Variants in DCAF17 observed in about 807,000 individuals in gnomAD.
The protein encoded by DCAF17 is DDB1 and CUL4 associated factor 17.
In DCAF17, 48 loss-of-function variants were observed where a neutral mutation model predicts 66.0. The observed-to-expected ratio is 0.73, with a 90% CI of 0.58 to 0.92. The LOEUF is 0.92. Ranked by LOEUF, DCAF17 falls within the 40% of genes least tolerant of loss-of-function variation. DCAF17 has a pLI of 0.00. For synonymous variants in DCAF17, 206 were observed against 214.6 expected (o/e 0.96, Z 0.35); for missense variants, 562 against 622.8 (o/e 0.90, Z 1.04).
rs147950025 is a variant in DCAF17 at position 171,484,699 on chromosome 2, C to T, written c.*3585C>T. On this transcript the variant is annotated 3_prime_UTR_variant, in exon 14 of 14. Transcript: ENST00000375255. ...CCCAAACCCTTTCCAAAATTTAGAC[C>T]ATTGCAATCATCTTCAGAAAGTTTC... is the stretch of plus-strand genomic sequence containing the variant. The T allele has an allele frequency of 1.1e-4, 48 of 453,980 alleles. No homozygotes were observed. The highest frequency in any genetic ancestry group is 1.8e-4 in the Non-Finnish European group (41 of 226,758). The allele number at this position is 453,980 out of a possible 1,614,324, so 28.1% of individuals were successfully genotyped here. A position where few individuals can be genotyped will look rare whatever the true frequency, so the allele number is the denominator to read the frequency against.
rs577520268 is a variant in DCAF17, at chr2:171,484,819, A to G, written c.*3705A>G. On this transcript the variant is annotated 3_prime_UTR_variant, in exon 14 of 14. Coordinates refer to ENST00000375255, the MANE Select transcript of DCAF17 (RefSeq NM_025000.4). ...CAAAGGTTAAATTTACCTGTTCTAAACTTCATATGAGTGAAATTATACAAA... is the reference window on the plus strand; with the variant it reads ...CAAAGGTTAAATTTACCTGTTCTAAGCTTCATATGAGTGAAATTATACAAA... 640 of 453,998 alleles carry G rather than the reference A, an allele frequency of 1.4e-3. 7 individuals are homozygous for G. The highest frequency in any genetic ancestry group is 9.5e-3 in the South Asian group (611 of 64,466). 28.1% of individuals were successfully genotyped at this position (453,998 alleles called of 1,614,324 possible).
chr2:171,439,682 C>T (rs1050205893), intron 2 of DCAF17, among the ~76,000 whole-genome samples: 1 of 152,016 alleles, frequency 6.6e-6, no homozygotes, highest in Non-Finnish European at 1.5e-5. Context: ...TAATCTCACA[C>T]TTTGGGAGGA....
At chr2:171,456,939 A>G (rs2105770478) in intron 6 of DCAF17, among the ~76,000 whole-genome samples, 1 of 152,310 alleles carries the variant, frequency 6.6e-6, no homozygotes, top group South Asian at 2.1e-4. Flanking sequence ...GGATAGTTTG[A>G]CTTCCTTTCT....
At chr2:171,448,525 T>C (rs1214857769) in intron 3 of DCAF17, among the ~76,000 whole-genome samples, 156 bp from the exon 4 acceptor site, 1 of 152,260 alleles carries the variant, frequency 6.6e-6, no homozygotes, top group Non-Finnish European at 1.5e-5. Context: ...CAATCTTATC[T>C]TTCCTTGTCT....
At chr2:171,466,995 G>T (rs543124117) in intron 8 of DCAF17, among the ~76,000 whole-genome samples, 1 of 151,600 alleles carries the variant, frequency 6.6e-6, no homozygotes, top group South Asian at 2.1e-4. Context: ...TTGCTTAAAA[G>T]ACCTTTATAT....
At chr2:171,464,432 G>A (rs533535391) in intron 8 of DCAF17, among the ~76,000 whole-genome samples, 1 of 152,096 alleles carries the variant, frequency 6.6e-6, no homozygotes, top group Admixed American at 6.5e-5. Context: ...TCCAAATTCT[G>A]CCTCTCACTT....
chr2:171,455,387 T>C (rs1306950889), intron 6 of DCAF17, among the ~76,000 whole-genome samples: 2 of 152,358 alleles, frequency 1.3e-5, no homozygotes, highest in Non-Finnish European at 2.9e-5. Flanking sequence ...GTACAACATT[T>C]TCGTTACCCA....
intron 9 of DCAF17, among the ~76,000 whole-genome samples, chr2:171,470,108 C>T (rs1696156391): frequency 6.6e-6 from 1 of 152,202 alleles, no homozygotes; most frequent in Non-Finnish European, 1.5e-5. Context: ...ACTGCAGCCT[C>T]AACCTCCTGG....
At chr2:171,443,202 G>A (rs1694409277) in intron 2 of DCAF17, 1 of 190,040 alleles carries the variant, frequency 5.3e-6, no homozygotes, top group Admixed American at 5.7e-5. Context: ...TAAATGTTCA[G>A]AGGTAAAGAA....
intron 8 of DCAF17, among the ~76,000 whole-genome samples, chr2:171,459,195 C>G (rs1435117427): frequency 6.6e-6 from 1 of 152,138 alleles, no homozygotes; most frequent in African/African-American, 2.4e-5. Context: ...GTAATCCCAC[C>G]TACTCGCAAG....
At chr2:171,473,571 C>T (rs1263000346) in intron 9 of DCAF17, among the ~76,000 whole-genome samples, 1 of 150,442 alleles carries the variant, frequency 6.6e-6, no homozygotes, top group African/African-American at 2.4e-5. Context: ...AAGCATCAAA[C>T]GCAGTTCCTG....
At position 171,483,304 on chromosome 2, in the gene DCAF17, G is replaced by C. The variant is rs1696820267; in HGVS notation, c.*2190G>C. The C allele has an allele frequency of 2.2e-6, 1 of 453,936 alleles. No individual in the cohort carries two copies. The highest frequency in any genetic ancestry group is 4.4e-6 in the Non-Finnish European group (1 of 226,784). The allele number at this position is 453,936 out of a possible 1,614,324, so 28.1% of individuals were successfully genotyped here. On this transcript the variant is annotated 3_prime_UTR_variant, in exon 14 of 14. Coordinates refer to ENST00000375255, the MANE Select transcript of DCAF17 (RefSeq NM_025000.4). ...TAGCTACATGCCCACCTACTTAACA[G>C]GTACTAGTGACAGGTACAAAACATT...
In DCAF17 at chr2:171,484,176, T is replaced by C. The variant is rs1212193760; in HGVS notation, c.*3062T>C. The C allele has an allele frequency of 6.7e-6, 3 of 446,526 alleles. No individual in the cohort carries two copies. Among genetic ancestry groups the C allele is most frequent in the East Asian group, 1.4e-4 (2 of 14,384 alleles). The allele number at this position is 446,526 out of a possible 1,614,324, so 27.7% of individuals were successfully genotyped here. ...TTTTCATATTATTTGGCTTCCATAT[T>C]AATCATTTTTATATTTTCTTCTCCT... On this transcript the variant is annotated 3_prime_UTR_variant, in exon 14 of 14. Coordinates refer to ENST00000375255, the MANE Select transcript of DCAF17 (RefSeq NM_025000.4).
intron 8 of DCAF17, among the ~76,000 whole-genome samples, chr2:171,462,751 A>G (rs1695658554): frequency 1.3e-5 from 2 of 152,222 alleles, no homozygotes; most frequent in African/African-American, 4.8e-5. Flanking sequence ...TGATAAATGT[A>G]CAATTAAAAC....
intron 8 of DCAF17, among the ~76,000 whole-genome samples, chr2:171,468,644 C>G (rs1696060893): frequency 6.6e-6 from 1 of 152,134 alleles, no homozygotes; most frequent in Admixed American, 6.5e-5. Context: ...ACCTGCGGGC[C>G]ACATATACCT....
rs1693678133 is a variant in DCAF17 at position 171,434,610 on chromosome 2, CCGG to C, written c.35_37del (p.Arg12del). On this transcript the variant is annotated inframe_deletion, in exon 1 of 14. Coordinates refer to ENST00000375255, the MANE Select transcript of DCAF17 (RefSeq NM_025000.4). ...CGACCCGGAAGCCCAACGTGTGCAGCCGGCTGAGTCGCCGGGCGCTGGGCTGCT... is the reference window on the plus strand; with the variant it reads ...CGACCCGGAAGCCCAACGTGTGCAGCCTGAGTCGCCGGGCGCTGGGCTGCT... 6.5e-7 allele frequency: 1 copy of C among 1,528,892 alleles called. No individual in the cohort carries two copies. The highest frequency in any genetic ancestry group is 8.7e-7 in the Non-Finnish European group (1 of 1,145,064). 94.7% of individuals were successfully genotyped at this position (1,528,892 alleles called of 1,614,324 possible). A position where few individuals can be genotyped will look rare whatever the true frequency, so the allele number is the denominator to read the frequency against.
Position 171,434,419 on chromosome 2 carries a change from G to T in DCAF17, c.-159G>T. 7.7e-7 allele frequency: 1 copy of T among 1,293,330 alleles called. No individual in the cohort carries two copies. Among genetic ancestry groups the T allele is most frequent in the Non-Finnish European group, 1.1e-6 (1 of 931,288 alleles). 80.1% of individuals were successfully genotyped at this position (1,293,330 alleles called of 1,614,324 possible). A position where few individuals can be genotyped will look rare whatever the true frequency, so the allele number is the denominator to read the frequency against. ...CGGCTCTGCTTTCCCTCGCCCCGCCGTCGGGTGCTCCCTGCCCGCCTCCCC... is the reference window on the plus strand; with the variant it reads ...CGGCTCTGCTTTCCCTCGCCCCGCCTTCGGGTGCTCCCTGCCCGCCTCCCC... On this transcript the variant is annotated 5_prime_UTR_variant, in exon 1 of 14. Coordinates refer to ENST00000375255, the MANE Select transcript of DCAF17 (RefSeq NM_025000.4).
At chr2:171,472,430 C>T (rs1468118628) in intron 9 of DCAF17, among the ~76,000 whole-genome samples, 1 of 152,184 alleles carries the variant, frequency 6.6e-6, no homozygotes, top group African/African-American at 2.4e-5. Context: ...CCACCTGCCT[C>T]GGCCTCCCAA....
At position 171,482,050 on chromosome 2, in the gene DCAF17, G is replaced by T. The variant is rs569982209; in HGVS notation, c.*936G>T. 16 of 453,846 alleles carry T rather than the reference G, an allele frequency of 3.5e-5. No homozygotes were observed. The highest frequency in any genetic ancestry group is 8.0e-5 in the African/African-American group (4 of 50,068). The allele number at this position is 453,846 out of a possible 1,614,324, so 28.1% of individuals were successfully genotyped here. A position where few individuals can be genotyped will look rare whatever the true frequency, so the allele number is the denominator to read the frequency against. On this transcript the variant is annotated 3_prime_UTR_variant, in exon 14 of 14. Transcript: ENST00000375255. The stretch of plus-strand genomic sequence containing the variant: ...ACCTGATTAACCAGAGAAAATTTTT[G>T]GCTTACTTATGGAACAAGCATTATT...
Sources: allele counts gnomAD v4.1 joint callset (sites outside exome capture counted in the v4.1 genomes callset), GRCh38; gene constraint gnomAD v4.1.1; transcripts MANE v1.5; gene names NCBI Gene and HGNC (gene_info 2026-07-23, HGNC 2026-07-21).